USP54: variants seen among roughly 807,000 people sequenced by gnomAD.
USP54 encodes the protein ubiquitin carboxyl-terminal hydrolase 54.
Under a neutral mutation model 170.5 loss-of-function variants are expected in USP54, and 87 were observed. The observed-to-expected ratio is 0.51, with a 90% CI of 0.43 to 0.61. The LOEUF is 0.61. Among genes scored for constraint, USP54 ranks in the 20% least tolerant of loss-of-function variants. The pLI is 0.00. For synonymous variants in USP54, 655 were observed against 742.8 expected (o/e 0.88, Z 1.92); for missense variants, 1,786 against 2,047.8 (o/e 0.87, Z 2.47).
rs536106217 is a variant in USP54, at chr10:73,569,559, C to T, written c.240+1862G>A. On this transcript the variant is annotated intron_variant, in intron 4 of 23. Coordinates refer to ENST00000687698, the MANE Select transcript of USP54 (RefSeq NM_001391956.1). Reference sequence around the variant, plus strand: ...CACTTTGGGAGGCCGAGGCGGGCGTCACCTGAAGTCAGTGAGACCCTGTCT... The same window carrying T: ...CACTTTGGGAGGCCGAGGCGGGCGTTACCTGAAGTCAGTGAGACCCTGTCT... Among the ~76,000 whole-genome samples, 12 of 151,974 alleles carry T rather than the reference C, an allele frequency of 7.9e-5. No individual in the cohort carries two copies. In the South Asian group the frequency reaches 2.5e-3, roughly 32 times the overall value.
At chr10:73,610,572 C>T (rs1306683888) in intron 1 of USP54, among the ~76,000 whole-genome samples, 3 of 151,634 alleles carry the variant, frequency 2.0e-5, no homozygotes, top group African/African-American at 4.8e-5. Context: ...TGCAGTGAGC[C>T]GAGTTCGCAC....
intron 10 of USP54, 125 bp downstream of exon 10, chr10:73,539,319 T>G: frequency 2.7e-6 from 1 of 370,858 alleles, no homozygotes; most frequent in Non-Finnish European, 4.0e-6. Context: ...TATATATATA[T>G]ATATGTTTTA....
Position 73,542,452 on chromosome 10 carries a change from T to C in USP54, c.572+351A>G, listed in dbSNP as rs534081925. ...AATTAAAGTCCAATAGGCCAGGCAC[T>C]GTGGCTCACGCCTGTAATCCCAGCA... On this transcript the variant is annotated intron_variant, in intron 7 of 23. Transcript: ENST00000687698. 1.8e-3 allele frequency among the ~76,000 whole-genome samples: 279 copies of C among 152,006 alleles called. 1 individual carries two copies. Among genetic ancestry groups the C allele is most frequent in the African/African-American group, 5.9e-3 (244 of 41,496 alleles).
At chr10:73,547,543 C>G (rs931415635) in intron 4 of USP54, among the ~76,000 whole-genome samples, 1 of 152,082 alleles carries the variant, frequency 6.6e-6, no homozygotes, top group Non-Finnish European at 1.5e-5. Context: ...AGATATAGAC[C>G]AATGGAACAG....
intron 1 of USP54, among the ~76,000 whole-genome samples, chr10:73,608,756 G>A (rs2079886717): frequency 6.6e-6 from 1 of 152,058 alleles, no homozygotes; most frequent in African/African-American, 2.4e-5. Context: ...AATTAGCAGG[G>A]CATGCTAGCG....
Position 73,547,854 on chromosome 10 carries a change from T to C in USP54, c.241-2182A>G, listed in dbSNP as rs1322731174. Among the ~76,000 whole-genome samples the C allele has an allele frequency of 2.6e-5, 4 of 152,198 alleles. No homozygotes were observed. In the East Asian group the frequency reaches 5.8e-4, roughly 22 times the overall value. On this transcript the variant is annotated intron_variant, in intron 4 of 23. Transcript: ENST00000687698. The stretch of plus-strand genomic sequence containing the variant: ...TTCATGACTAAAACACCAAAAGCAA[T>C]GGCAATAAAAGCCAAAATACACAAA...
intron 12 of USP54, among the ~76,000 whole-genome samples, chr10:73,532,712 A>G (rs186064869): frequency 2.4e-3 from 362 of 152,354 alleles, no homozygotes; most frequent in African/African-American, 8.5e-3. Context: ...CAAGAAATAT[A>G]GGACACAGAA....
At chr10:73,599,249 A>G (rs1589373414) in intron 1 of USP54, among the ~76,000 whole-genome samples, 2 of 152,208 alleles carry the variant, frequency 1.3e-5, no homozygotes, top group East Asian at 1.9e-4. Context: ...CAGCCACATG[A>G]AAGACGGTGA....
rs144170153 is a variant in USP54, at chr10:73,600,490, T to A, written c.-17-24815A>T. On this transcript the variant is annotated intron_variant, in intron 1 of 22. Coordinates refer to the USP54 transcript ENST00000339859. ...GAAATGAGGTAAATGGTACATCAGG[T>A]CAATATTATTATTTATTTTAACTCT... Among the ~76,000 whole-genome samples, 665 of 152,312 alleles carry A rather than the reference T, an allele frequency of 4.4e-3. 4 individuals carry two copies. Among genetic ancestry groups the A allele is most frequent in the African/African-American group, 0.015 (627 of 41,578 alleles).
chr10:73,501,545 C>A (rs2058108861), intron 22 of USP54, among the ~76,000 whole-genome samples: 1 of 152,190 alleles, frequency 6.6e-6, no homozygotes, highest in Admixed American at 6.5e-5. Context: ...TCCCACTTCC[C>A]ATCCACAATT....
At chr10:73,612,076 C>T (rs1392649547) in intron 1 of USP54, among the ~76,000 whole-genome samples, 1 of 152,114 alleles carries the variant, frequency 6.6e-6, no homozygotes, top group Non-Finnish European at 1.5e-5. Context: ...CCCGCCACTG[C>T]ACTCCCACCT....
intron 4 of USP54, among the ~76,000 whole-genome samples, chr10:73,547,235 C>G (rs2068037575): frequency 6.6e-6 from 1 of 152,100 alleles, no homozygotes; most frequent in African/African-American, 2.4e-5. Context: ...AACCCCGTCT[C>G]TACTAAAAAT....
chr10:73,532,434 C>T (rs1173983503), intron 12 of USP54, among the ~76,000 whole-genome samples: 2 of 152,170 alleles, frequency 1.3e-5, no homozygotes, highest in African/African-American at 2.4e-5. Flanking sequence ...CTCGGCCTCC[C>T]AAAGTGCTGG....
intron 1 of USP54, among the ~76,000 whole-genome samples, chr10:73,606,035 A>G (rs111537149): frequency 0.12 from 18,203 of 151,636 alleles, 1,530 homozygotes; most frequent in East Asian, 0.33. Flanking sequence ...AAAATTAGCC[A>G]GGCGTGGTGG....
chr10:73,569,564 G>C (rs2074591867), intron 4 of USP54, among the ~76,000 whole-genome samples: 1 of 151,808 alleles, frequency 6.6e-6, no homozygotes, highest in African/African-American at 2.4e-5. Context: ...GGCGTCACCT[G>C]AAGTCAGTGA....
chr10:73,542,752 A>G (rs537216364), intron 7 of USP54, 51 bp downstream of exon 7: 40 of 1,555,300 alleles, frequency 2.6e-5, no homozygotes, highest in Non-Finnish European at 3.3e-5. Flanking sequence ...AAAAAGTCCA[A>G]TCAACTGGAG....
upstream of USP54, among the ~76,000 whole-genome samples, chr10:73,595,314 G>A (rs543830189): frequency 6.6e-6 from 1 of 152,262 alleles, no homozygotes; most frequent in South Asian, 2.1e-4. Flanking sequence ...TGCAATCAGA[G>A]GTGACTCTAG....
intron 1 of USP54, among the ~76,000 whole-genome samples, chr10:73,589,542 G>GAATC (rs2077971109): frequency 6.6e-6 from 1 of 152,074 alleles, no homozygotes; most frequent in African/African-American, 2.4e-5. Flanking sequence ...CGAATTTTAT[G>GAATC]AATCACTAAG....
chr10:73,516,434 T>G lies in USP54; in HGVS notation c.3992A>C (p.Gln1331Pro). 3.7e-6 allele frequency: 6 copies of G among 1,614,012 alleles called. No individual in the cohort carries two copies. Among genetic ancestry groups the G allele is most frequent in the Non-Finnish European group, 5.1e-6 (6 of 1,179,994 alleles). Residue 1331 changes from glutamine to proline, a missense_variant, in exon 20 of 24, where the codon CAA becomes CCA. This residue lies in a region of USP54 where 1,418 missense variants were observed against 1,569.0 expected (regional missense o/e 0.90). Coordinates refer to ENST00000687698, the MANE Select transcript of USP54 (RefSeq NM_001391956.1). Reference protein sequence around the residue: ...SLYQASLQASQAGCSGWGQQD... With the variant: ...SLYQASLQASPAGCSGWGQQD... Reference sequence around the variant, plus strand: ...CTGCCCCCATCCAGAACAGCCAGCTTGAGAAGCCTGAAGACTGGCCTGATA... The same window carrying G: ...CTGCCCCCATCCAGAACAGCCAGCTGGAGAAGCCTGAAGACTGGCCTGATA...
Sources: gnomAD v4.1 joint callset for allele counts (sites outside exome capture counted in the v4.1 genomes callset) on GRCh38, gnomAD v4.1.1 for gene constraint, gnomAD v4.1.1 regional missense constraint, MANE v1.5 for transcripts, NCBI Gene and HGNC (gene_info 2026-07-23, HGNC 2026-07-21) for gene names.